S100A8: variants seen among roughly 807,000 people sequenced by gnomAD.
The protein encoded by S100A8 is S100 calcium binding protein A8.
In S100A8, 1 loss-of-function variant was observed where a neutral mutation model predicts 4.2. The observed-to-expected ratio is 0.24, with a 90% confidence interval of 0.08 to 1.12. The LOEUF (loss-of-function observed/expected upper bound fraction) is 1.12, where lower values mean the gene tolerates loss of function less well. Among genes scored for constraint, S100A8 ranks in the 50% most tolerant of loss-of-function variants. The pLI is 0.53. For missense variants in S100A8, 96 were observed against 111.8 expected (o/e 0.86, Z 0.64); for synonymous variants, 41 against 44.7 (o/e 0.92, Z 0.33).
chr1:153,403,943 C>T, the S100A8 span, among the ~76,000 whole-genome samples: 1 of 152,166 alleles, frequency 6.6e-6, no homozygotes, highest in African/African-American at 2.4e-5. Context: ...AGATGCCAAT[C>T]GCAGCACCTG....
At chr1:153,395,096 G>A (rs964518725), upstream of S100A8, among the ~76,000 whole-genome samples, 3 of 152,148 alleles carry the variant, frequency 2.0e-5, no homozygotes, top group African/African-American at 7.2e-5. Flanking sequence ...CAGGTCTCAG[G>A]TGGGTGGGGT....
the S100A8 span, among the ~76,000 whole-genome samples, chr1:153,418,818 G>C: frequency 2.0e-5 from 3 of 152,316 alleles, no homozygotes; most frequent in African/African-American, 7.2e-5. Flanking sequence ...GTAGAACTAA[G>C]GTAGGCAGTG....
At chr1:153,418,223 T>C in the S100A8 span, 4 of 1,613,938 alleles carry the variant, frequency 2.5e-6, no homozygotes, top group Non-Finnish European at 2.5e-6. Flanking sequence ...TCAGTGCCTG[T>C]GTGAGTTGGG....
the S100A8 span, among the ~76,000 whole-genome samples, chr1:153,413,632 G>A: frequency 6.6e-6 from 1 of 152,166 alleles, no homozygotes; most frequent in Non-Finnish European, 1.5e-5. Flanking sequence ...CAGGTGCAGT[G>A]GCTCACAACT....
At chr1:153,398,692 G>A in the S100A8 span, among the ~76,000 whole-genome samples, 10 of 152,158 alleles carry the variant, frequency 6.6e-5, no homozygotes, top group Admixed American at 3.9e-4. Context: ...TGCTTCCACC[G>A]CTCATGGAGC....
the S100A8 span, among the ~76,000 whole-genome samples, chr1:153,409,255 T>C: frequency 6.6e-6 from 1 of 151,974 alleles, no homozygotes; most frequent in Non-Finnish European, 1.5e-5. Context: ...GAGATACACA[T>C]AGGCTCAAAA....
At chr1:153,406,548 C>A in the S100A8 span, among the ~76,000 whole-genome samples, 1 of 152,206 alleles carries the variant, frequency 6.6e-6, no homozygotes, top group East Asian at 1.9e-4. Flanking sequence ...ACACCCAGAA[C>A]AGAGTCAGCA....
chr1:153,399,873 G>A, the S100A8 span, among the ~76,000 whole-genome samples: 22 of 152,292 alleles, frequency 1.4e-4, no homozygotes, highest in African/African-American at 3.1e-4. Context: ...GCAAAGGCCC[G>A]GGGCTGTAAA....
At chr1:153,404,957 A>T in the S100A8 span, among the ~76,000 whole-genome samples, 2 of 151,824 alleles carry the variant, frequency 1.3e-5, no homozygotes, top group East Asian at 1.9e-4. Flanking sequence ...ACAGAAAACC[A>T]ATTCTCTGCA....
At chr1:153,393,907 G>T (rs947801900), upstream of S100A8, among the ~76,000 whole-genome samples, 1 of 152,208 alleles carries the variant, frequency 6.6e-6, no homozygotes, top group Non-Finnish European at 1.5e-5. Context: ...GGAGTCCTGA[G>T]TGGTGACCTC....
chr1:153,400,760 A>G, the S100A8 span, among the ~76,000 whole-genome samples: 2 of 152,252 alleles, frequency 1.3e-5, no homozygotes, highest in African/African-American at 4.8e-5. Flanking sequence ...TTCAGCCATC[A>G]TTACCCTGGC....
chr1:153,415,897 C>T, the S100A8 span, among the ~76,000 whole-genome samples: 17 of 152,328 alleles, frequency 1.1e-4, no homozygotes, highest in East Asian at 1.7e-3. Context: ...AGACCTATAG[C>T]ACAGGGGATA....
At position 153,390,040 on chromosome 1, in the gene S100A8, T is replaced by G; in HGVS notation, c.*63A>C. 1 of 1,438,108 alleles carries G rather than the reference T, an allele frequency of 7.0e-7. No individual in the cohort carries two copies. Among genetic ancestry groups the G allele is most frequent in the Non-Finnish European group, 9.5e-7 (1 of 1,048,130 alleles). 89.1% of individuals were successfully genotyped at this position (1,438,108 alleles called of 1,614,324 possible). A position where few individuals can be genotyped will look rare whatever the true frequency, so the allele number is the denominator to read the frequency against. On this transcript the variant is annotated 3_prime_UTR_variant, in exon 3 of 3. Transcript: ENST00000368733. Reference sequence around the variant, plus strand: ...AGCATAAGAGAGAGGCATGAGGTATTGATGACTTTATTATTCTGCAGGTAC... The same window carrying G: ...AGCATAAGAGAGAGGCATGAGGTATGGATGACTTTATTATTCTGCAGGTAC...
upstream of S100A8, among the ~76,000 whole-genome samples, chr1:153,393,245 C>G (rs1662142134): frequency 6.6e-6 from 1 of 152,196 alleles, no homozygotes; most frequent in African/African-American, 2.4e-5. Flanking sequence ...TCCACCTGCC[C>G]TCACCCCATC....
At chr1:153,421,766 C>T in the S100A8 span, 7 of 152,194 alleles carry the variant, frequency 4.6e-5, no homozygotes, top group African/African-American at 1.4e-4. Context: ...GGCAATTGGC[C>T]ACTCCTAATG....
At chr1:153,404,319 G>C in the S100A8 span, among the ~76,000 whole-genome samples, 4 of 152,332 alleles carry the variant, frequency 2.6e-5, no homozygotes, top group Non-Finnish European at 4.4e-5. Flanking sequence ...CAGCCGCTCT[G>C]TGGAGGCCCA....
the S100A8 span, chr1:153,418,160 G>A: frequency 1.2e-6 from 2 of 1,614,084 alleles, no homozygotes; most frequent in Non-Finnish European, 1.7e-6. Context: ...GTGATGGCAA[G>A]ATTGAGAAGC....
upstream of S100A8, among the ~76,000 whole-genome samples, chr1:153,396,006 T>C (rs1382496602): frequency 1.3e-5 from 2 of 152,194 alleles, no homozygotes; most frequent in East Asian, 3.9e-4. Context: ...ACCACCTGTG[T>C]GGTGGGTGAG....
At chr1:153,398,526 A>C in the S100A8 span, among the ~76,000 whole-genome samples, 6 of 152,038 alleles carry the variant, frequency 3.9e-5, no homozygotes, top group Admixed American at 3.9e-4. Flanking sequence ...CAGCCCTCAC[A>C]TTCCCATGGC....
Sources: allele counts gnomAD v4.1 joint callset (sites outside exome capture counted in the v4.1 genomes callset), GRCh38; gene constraint gnomAD v4.1.1; transcripts MANE v1.5; gene names NCBI Gene and HGNC (gene_info 2026-07-23, HGNC 2026-07-21).